FDX1: variants seen among roughly 807,000 people sequenced by gnomAD.
FDX1 encodes ferredoxin 1.
FDX1 carries 9 observed loss-of-function variants against 14.9 expected under a neutral mutation model. The ratio of observed to expected loss-of-function variants is 0.60; its 90% CI spans 0.36 to 1.05. FDX1 has a LOEUF of 1.05. Ranked by LOEUF, FDX1 falls within the 50% of genes least tolerant of loss-of-function variation. The probability of loss-of-function intolerance (pLI) is 0.01; values close to 1 mark genes in which losing one functional copy is unlikely to be tolerated. For missense variants in FDX1, 204 were observed against 237.2 expected (o/e 0.86, Z 0.92); for synonymous variants, 92 against 99.4 (o/e 0.93, Z 0.44).
intron 2 of FDX1, among the ~76,000 whole-genome samples, chr11:110,443,168 C>G (rs1946416051): frequency 6.6e-6 from 1 of 152,104 alleles, no homozygotes; most frequent in South Asian, 2.1e-4. Context: ...TGGACTAATA[C>G]AATTGGTTAC....
rs937446821 is a variant in FDX1 at position 110,462,341 on chromosome 11, C to G, written c.441-13C>G. On this transcript the variant is annotated splice_polypyrimidine_tract_variant and intron_variant, in intron 3 of 3. Coordinates refer to ENST00000260270, the MANE Select transcript of FDX1 (RefSeq NM_004109.5). Reference sequence around the variant, plus strand: ...CGTAATACTAAACCATACCTTCCCCCTTTTCCATACAGATCACGGTTGGGC... The same window carrying G: ...CGTAATACTAAACCATACCTTCCCCGTTTTCCATACAGATCACGGTTGGGC... 1.3e-6 allele frequency: 2 copies of G among 1,522,184 alleles called. No individual in the cohort carries two copies. The highest frequency in any genetic ancestry group is 2.7e-5 in the African/African-American group (2 of 73,162). The allele number at this position is 1,522,184 out of a possible 1,614,324, so 94.3% of individuals were successfully genotyped here.
chr11:110,455,199 G>T (rs1356906125), intron 2 of FDX1, among the ~76,000 whole-genome samples: 1 of 151,746 alleles, frequency 6.6e-6, no homozygotes, highest in Non-Finnish European at 1.5e-5. Flanking sequence ...TAGAGACAGG[G>T]TTTCACTACG....
At position 110,438,879 on chromosome 11, in the gene FDX1, C is replaced by CT. The variant is rs530661831; in HGVS notation, c.310+2922dup. Among the ~76,000 whole-genome samples the CT allele has an allele frequency of 1.6e-4, 25 of 152,150 alleles. No individual in the cohort carries two copies. In the South Asian group the frequency reaches 2.3e-3, roughly 14 times the overall value. Reference sequence around the variant, plus strand: ...GATTCATAGTTTGTGAATATTTTCTCTCATTCTGTAGGGTGTTTACTTTGT... The same window carrying CT: ...GATTCATAGTTTGTGAATATTTTCTCTTCATTCTGTAGGGTGTTTACTTTGT... On this transcript the variant is annotated intron_variant, in intron 2 of 3. Coordinates refer to ENST00000260270, the MANE Select transcript of FDX1 (RefSeq NM_004109.5).
intron 2 of FDX1, among the ~76,000 whole-genome samples, chr11:110,452,887 A>AGTG (rs752188482): frequency 6.6e-4 from 101 of 152,362 alleles, no homozygotes; most frequent in Non-Finnish European, 8.7e-4. Context: ...ACTAAACCAC[A>AGTG]GTGATAGAGA....
At chr11:110,454,260 A>C (rs2134690449) in intron 2 of FDX1, among the ~76,000 whole-genome samples, 1 of 152,352 alleles carries the variant, frequency 6.6e-6, no homozygotes, top group Non-Finnish European at 1.5e-5. Context: ...ATAGAATAAT[A>C]CCTTTAAGAG....
At chr11:110,441,154 A>G (rs967933673) in intron 2 of FDX1, among the ~76,000 whole-genome samples, 21 of 152,350 alleles carry the variant, frequency 1.4e-4, no homozygotes, top group Middle Eastern at 3.4e-3. Context: ...CCTCAGCCAC[A>G]TGGAACTGTA....
At chr11:110,456,828 C>A in intron 2 of FDX1, 90 bp from the exon 3 acceptor site, 1 of 1,395,312 alleles carries the variant, frequency 7.2e-7, no homozygotes. Context: ...TATTCTAATG[C>A]TGATTCTAAC....
chr11:110,437,750 A>G (rs777399458), intron 2 of FDX1, among the ~76,000 whole-genome samples: 5 of 152,200 alleles, frequency 3.3e-5, no homozygotes, highest in Non-Finnish European at 1.5e-5. Flanking sequence ...TCACCTAGGC[A>G]GTAGGCTTAG....
intron 2 of FDX1, among the ~76,000 whole-genome samples, chr11:110,453,558 GT>G (rs796698885): frequency 9.4e-4 from 134 of 142,128 alleles, no homozygotes; most frequent in South Asian, 1.6e-3. Flanking sequence ...ATTTTTGCAG[GT>G]TTTTTTTTTT....
chr11:110,437,019 A>G (rs1289091936), intron 2 of FDX1, among the ~76,000 whole-genome samples: 1 of 152,158 alleles, frequency 6.6e-6, no homozygotes, highest in Non-Finnish European at 1.5e-5. Flanking sequence ...TTTTTGAGAC[A>G]GGATCTTGCT....
In FDX1 at chr11:110,454,774, G is replaced by A. The variant is rs76740453; in HGVS notation, c.311-2144G>A. Among the ~76,000 whole-genome samples, 165 of 152,210 alleles carry A rather than the reference G, an allele frequency of 1.1e-3. 1 individual carries two copies. Among genetic ancestry groups the A allele is most frequent in the African/African-American group, 3.6e-3 (150 of 41,532 alleles). On this transcript the variant is annotated intron_variant, in intron 2 of 3. Coordinates refer to ENST00000260270, the MANE Select transcript of FDX1 (RefSeq NM_004109.5). ...GTAATTCTTGGAACTACTATGTGAGGTTAGTATAGTTACTCTTGAGGAAAC... is the reference window on the plus strand; with the variant it reads ...GTAATTCTTGGAACTACTATGTGAGATTAGTATAGTTACTCTTGAGGAAAC...
chr11:110,444,675 TATATATATAC>T (rs1416462247), intron 2 of FDX1, among the ~76,000 whole-genome samples: 36 of 78,464 alleles, frequency 4.6e-4, no homozygotes, highest in African/African-American at 1.9e-3. Context: ...CGTATATATA[TATATATATAC>T]ACGTATATAT....
In FDX1 at chr11:110,430,171, C is replaced by G; in HGVS notation, c.51C>G (p.Leu17=). The change falls in exon 1 of 4, where the codon CTC becomes CTG. Residue 17 remains leucine (L), a synonymous_variant. Transcript: ENST00000260270. ...ARLLRAASAV[L]GGPAGRWLHH... ...TGCTGCGCGCCGCTTCTGCTGTCCT[C>G]GGCGGCCCGGCCGGCCGGTGGCTGC... 2 of 1,234,398 alleles carry G rather than the reference C, an allele frequency of 1.6e-6. No individual in the cohort carries two copies. Among genetic ancestry groups the G allele is most frequent in the Non-Finnish European group, 2.0e-6 (2 of 991,454 alleles). 76.5% of individuals were successfully genotyped at this position (1,234,398 alleles called of 1,614,324 possible).
intron 1 of FDX1, among the ~76,000 whole-genome samples, chr11:110,433,740 CA>C (rs1946347257): frequency 6.6e-6 from 1 of 152,006 alleles, no homozygotes; most frequent in African/African-American, 2.4e-5. Context: ...TTCTGGTACA[CA>C]CACACACACC....
At chr11:110,452,918 G>A (rs1946496011) in intron 2 of FDX1, among the ~76,000 whole-genome samples, 1 of 152,188 alleles carries the variant, frequency 6.6e-6, no homozygotes, top group Admixed American at 6.5e-5. Context: ...GGTTACCAGG[G>A]GTTAGGGATG....
intron 1 of FDX1, among the ~76,000 whole-genome samples, chr11:110,432,200 C>T (rs1243586545): frequency 6.6e-6 from 1 of 152,104 alleles, no homozygotes; most frequent in African/African-American, 2.4e-5. Context: ...GTCAGAAAAA[C>T]TCCTTTTACT....
upstream of FDX1, chr11:110,429,807 A>T (rs980134556): frequency 3.8e-5 from 9 of 238,292 alleles, no homozygotes; most frequent in African/African-American, 6.8e-5. Flanking sequence ...CTAAAAAAGC[A>T]TCCAGCTTAC....
chr11:110,437,112 CCGCCTCCTGAGTA>C (rs1946375176), intron 2 of FDX1, among the ~76,000 whole-genome samples: 1 of 152,186 alleles, frequency 6.6e-6, no homozygotes, highest in South Asian at 2.1e-4. Flanking sequence ...CCTCCTGACT[CCGCCTCCTGAGTA>C]GCTGGGACTG....
At chr11:110,436,196 A>G (rs1946367891) in intron 2 of FDX1, among the ~76,000 whole-genome samples, 1 of 152,154 alleles carries the variant, frequency 6.6e-6, no homozygotes, top group Non-Finnish European at 1.5e-5. Context: ...TCATTACCTT[A>G]CTGTTTATAT....
Sources: gnomAD v4.1 joint callset for allele counts (sites outside exome capture counted in the v4.1 genomes callset) on GRCh38, gnomAD v4.1.1 for gene constraint, MANE v1.5 for transcripts, NCBI Gene and HGNC (gene_info 2026-07-23, HGNC 2026-07-21) for gene names.